MAOA: variants seen among roughly 807,000 people sequenced by gnomAD.
MAOA encodes the protein monoamine oxidase A, also known as amine oxidase [flavin-containing] A.
A neutral mutation model predicts 42.0 loss-of-function variants in MAOA; 6 were observed. That is an observed-to-expected ratio of 0.14 (90% CI 0.08 to 0.28). MAOA has a LOEUF of 0.28. Among genes scored for constraint, MAOA ranks in the 10% least tolerant of loss-of-function variants. The pLI is 1.00. For missense variants in MAOA, 262 were observed against 422.3 expected, an observed-to-expected ratio of 0.62 and a Z score of 3.33; for synonymous variants, 140 against 154.0, an observed-to-expected ratio of 0.91 and a Z score of 0.67.
At chrX:43,670,854 A>G (rs760381128) in intron 1 of MAOA, among the ~76,000 whole-genome samples, 5 of 108,466 alleles carry the variant, frequency 4.6e-5, no homozygotes, top group East Asian at 2.9e-4. Flanking sequence ...TTGGACATTT[A>G]GGTTGGTTCC....
chrX:43,728,732 A>T (rs1247607333), intron 6 of MAOA, among the ~76,000 whole-genome samples: 1 of 112,862 alleles, frequency 8.9e-6, no homozygotes, highest in Non-Finnish European at 1.9e-5. Flanking sequence ...TAACTGCTAC[A>T]GAAGGGAAGT....
intron 9 of MAOA, among the ~76,000 whole-genome samples, chrX:43,735,633 C>T (rs956598333): frequency 5.3e-5 from 6 of 112,731 alleles, no homozygotes; most frequent in Non-Finnish European, 1.1e-4. Context: ...ACAAAGGCCT[C>T]TGCCATTCCC....
chrX:43,665,181 A>G (rs538847869), intron 1 of MAOA, among the ~76,000 whole-genome samples: 37 of 112,019 alleles, frequency 3.3e-4, no homozygotes, highest in African/African-American at 1.2e-3. Flanking sequence ...TATTTGAACA[A>G]TCAATCTTAT....
chrX:43,667,609 T>C (rs947792427), intron 1 of MAOA, among the ~76,000 whole-genome samples: 1 of 111,505 alleles, frequency 9.0e-6, no homozygotes, highest in Admixed American at 9.6e-5. Context: ...AAAAATAATT[T>C]GGGGTAGCAA....
intron 2 of MAOA, among the ~76,000 whole-genome samples, chrX:43,688,531 G>C (rs2033506856): frequency 8.9e-6 from 1 of 112,052 alleles, no homozygotes; most frequent in African/African-American, 3.2e-5. Context: ...ATGTTTTTCA[G>C]TTATTTTTCG....
rs766087389 is a variant in MAOA, at chrX:43,734,583, C to T, written c.1053-1644C>T. Among the ~76,000 whole-genome samples, 180 of 111,957 alleles carry T rather than the reference C, an allele frequency of 1.6e-3. 1 individual carries two copies. Among genetic ancestry groups the T allele is most frequent in the African/African-American group, 5.7e-3 (177 of 30,810 alleles). The stretch of plus-strand genomic sequence containing the variant: ...TGCTCTTTGCTGATGGCCACAGCCA[C>T]GAAAACCTTGAAGATAGGGGTGGTA... On this transcript the variant is annotated intron_variant, in intron 9 of 14. Coordinates refer to ENST00000338702, the MANE Select transcript of MAOA (RefSeq NM_000240.4).
chrX:43,713,971 A>G (rs1429880726), intron 5 of MAOA, among the ~76,000 whole-genome samples: 1 of 111,366 alleles, frequency 9.0e-6, no homozygotes, highest in Non-Finnish European at 1.9e-5. Context: ...GGAATAAGTC[A>G]TGGGGCAGGA....
chrX:43,738,725 C>T (rs1009877108), intron 10 of MAOA, among the ~76,000 whole-genome samples: 3 of 111,052 alleles, frequency 2.7e-5, no homozygotes, highest in African/African-American at 6.6e-5. Flanking sequence ...GAGGCTGAGG[C>T]GAGAGGATCA....
intron 5 of MAOA, among the ~76,000 whole-genome samples, chrX:43,716,118 G>A (rs762641117): frequency 2.7e-4 from 30 of 111,397 alleles, no homozygotes; most frequent in Non-Finnish European, 4.5e-4. Context: ...AGAAAAGATA[G>A]TGAGGCAGGA....
intron 1 of MAOA, among the ~76,000 whole-genome samples, chrX:43,660,447 C>T (rs1043416248): frequency 2.7e-5 from 3 of 111,171 alleles, no homozygotes; most frequent in Admixed American, 1.9e-4. Context: ...CTCCCTATCC[C>T]GCCCCCCATC....
At chrX:43,713,447 A>G (rs2033714328) in intron 5 of MAOA, among the ~76,000 whole-genome samples, 1 of 111,767 alleles carries the variant, frequency 8.9e-6, no homozygotes, top group Non-Finnish European at 1.9e-5. Flanking sequence ...TACCTATCTA[A>G]TAAACCTGCA....
rs1226593127 is a variant in MAOA, at chrX:43,742,005, A to T, written c.1220A>T (p.Tyr407Phe). The part of the protein sequence containing the change: ...WCEEQYSGGC[Y>F]TAYFPPGIMT... ...GAGGAGCAGTACTCTGGGGGCTGCT[A>T]CACGGCCTACTTCCCTCCTGGGATC... is the stretch of plus-strand genomic sequence containing the variant. Residue 407 changes from tyrosine (Y) to phenylalanine (F), a missense_variant, in exon 12 of 15, where the codon TAC becomes TTC. Physicochemically the swap from Tyr to Phe is conservative, Grantham distance 22 (BLOSUM62 3). This residue lies in a region of MAOA where 86 missense variants were observed against 190.3 expected (regional missense o/e 0.45). Coordinates refer to ENST00000338702, the MANE Select transcript of MAOA (RefSeq NM_000240.4). The T allele has an allele frequency of 1.4e-5, 17 of 1,211,851 alleles. No homozygotes were observed. Among genetic ancestry groups the T allele is most frequent in the Non-Finnish European group, 1.9e-5 (17 of 895,574 alleles).
intron 1 of MAOA, among the ~76,000 whole-genome samples, chrX:43,666,418 C>G (rs2033278683): frequency 9.0e-6 from 1 of 111,282 alleles, no homozygotes; most frequent in African/African-American, 3.3e-5. Context: ...CACATCCATT[C>G]CAGCAGCAAA....
At chrX:43,675,085 A>C (rs2033381458) in intron 1 of MAOA, among the ~76,000 whole-genome samples, 1 of 111,721 alleles carries the variant, frequency 9.0e-6, no homozygotes, top group African/African-American at 3.3e-5. Context: ...CAGGTACACC[A>C]ATCAGATTTG....
At chrX:43,680,416 A>G (rs2033433536) in intron 1 of MAOA, among the ~76,000 whole-genome samples, 2 of 111,403 alleles carry the variant, frequency 1.8e-5, no homozygotes, top group Non-Finnish European at 3.8e-5. Flanking sequence ...ATAATTTCTT[A>G]CAATTTGGAT....
chrX:43,738,707 C>A (rs891557709), intron 10 of MAOA, among the ~76,000 whole-genome samples: 1 of 110,990 alleles, frequency 9.0e-6, no homozygotes, highest in Admixed American at 9.6e-5. Flanking sequence ...GTAGTCCCAG[C>A]AACTTGGGAG....
intron 1 of MAOA, among the ~76,000 whole-genome samples, chrX:43,659,004 C>T (rs2033211851): frequency 9.0e-6 from 1 of 111,292 alleles, no homozygotes; most frequent in African/African-American, 3.3e-5. Flanking sequence ...TTTATTAGGA[C>T]TTGTACACTT....
At chrX:43,737,818 C>T (rs1230520761) in intron 10 of MAOA, among the ~76,000 whole-genome samples, 3 of 111,465 alleles carry the variant, frequency 2.7e-5, no homozygotes, top group Non-Finnish European at 3.8e-5. Context: ...TAGCATATAG[C>T]GCATACTTTT....
intron 1 of MAOA, among the ~76,000 whole-genome samples, chrX:43,664,765 T>G (rs765101603): frequency 2.7e-5 from 3 of 111,832 alleles, no homozygotes; most frequent in African/African-American, 9.7e-5. Flanking sequence ...TGCTCTCGCT[T>G]CTCTGCTTTG....
Sources: gnomAD v4.1 joint callset for allele counts (sites outside exome capture counted in the v4.1 genomes callset) on GRCh38, gnomAD v4.1.1 for gene constraint, gnomAD v4.1.1 regional missense constraint, MANE v1.5 for transcripts, NCBI Gene and HGNC (gene_info 2026-07-23, HGNC 2026-07-21) for gene names.